Variants in SCFD2 observed in about 807,000 individuals in gnomAD.
SCFD2 encodes sec1 family domain-containing protein 2.
SCFD2 carries 54 observed loss-of-function variants against 58.9 expected under a neutral mutation model. The observed-to-expected ratio is 0.92, with a 90% CI of 0.74 to 1.15. The LOEUF is 1.15. SCFD2 is among the 50% of genes most tolerant of loss of function. SCFD2 has a pLI of 0.00. For synonymous variants in SCFD2, 321 were observed against 335.9 expected (o/e 0.96, Z 0.49); for missense variants, 805 against 836.6 (o/e 0.96, Z 0.47).
Position 53,221,412 on chromosome 4 carries a change from G to A in SCFD2, c.1311+52414C>T, listed in dbSNP as rs180706066. On this transcript the variant is annotated intron_variant, in intron 4 of 8. Transcript: ENST00000401642. Reference sequence around the variant, plus strand: ...TTAGTCCATGTGTTTTTAATTTCACGAAGATCTTGCCTTGTAATAAAAACT... The same window carrying A: ...TTAGTCCATGTGTTTTTAATTTCACAAAGATCTTGCCTTGTAATAAAAACT... 3.8e-3 allele frequency among the ~76,000 whole-genome samples: 585 copies of A among 152,194 alleles called. 2 individuals are homozygous for A. Among genetic ancestry groups the A allele is most frequent in the African/African-American group, 0.013 (552 of 41,528 alleles).
chr4:53,257,892 A>T (rs578245010), intron 4 of SCFD2, among the ~76,000 whole-genome samples: 5 of 151,934 alleles, frequency 3.3e-5, no homozygotes, highest in African/African-American at 4.8e-5. Flanking sequence ...CCTCATATTT[A>T]AAAAAAATAG....
chr4:53,287,036 C>T (rs1230226654), intron 3 of SCFD2, among the ~76,000 whole-genome samples: 3 of 152,138 alleles, frequency 2.0e-5, no homozygotes, highest in Non-Finnish European at 4.4e-5. Context: ...CACCCCTTCT[C>T]CCCTGGTGCC....
rs1733732034 is a variant in SCFD2 at position 53,337,859 on chromosome 4, A to G, written c.1007+14739T>C. Among the ~76,000 whole-genome samples the G allele has an allele frequency of 2.0e-5, 3 of 152,216 alleles. No homozygotes were observed. In the South Asian group the frequency reaches 6.2e-4, roughly 32 times the overall value. On this transcript the variant is annotated intron_variant, in intron 2 of 8. Transcript: ENST00000401642. ...TTTCTCAATTTTATAAACATTATAA[A>G]TTTTGCTTCAGTAAAAAAAATGCAT... is the stretch of plus-strand genomic sequence containing the variant.
chr4:53,366,054 C>T lies in SCFD2; in HGVS notation c.-113G>A. ...TGACAGTCTCCACAGTACACGTGGTCGGCCTCTGACACGCTCCCTGATGGC... is the reference window on the plus strand; with the variant it reads ...TGACAGTCTCCACAGTACACGTGGTTGGCCTCTGACACGCTCCCTGATGGC... On this transcript the variant is annotated 5_prime_UTR_variant, in exon 1 of 9. Coordinates refer to ENST00000401642, the MANE Select transcript of SCFD2 (RefSeq NM_152540.4). The T allele has an allele frequency of 4.8e-6, 6 of 1,246,252 alleles. No individual in the cohort carries two copies. Among genetic ancestry groups the T allele is most frequent in the Non-Finnish European group, 5.5e-6 (5 of 911,864 alleles). 77.2% of individuals were successfully genotyped at this position (1,246,252 alleles called of 1,614,324 possible).
intron 5 of SCFD2, among the ~76,000 whole-genome samples, chr4:53,132,727 G>A (rs1328359422): frequency 6.6e-6 from 1 of 152,156 alleles, no homozygotes; most frequent in Non-Finnish European, 1.5e-5. Context: ...TCAAGTGTGG[G>A]TGACATGAAA....
At chr4:53,273,657 T>G in intron 4 of SCFD2, 169 bp downstream of exon 4, 1 of 574,990 alleles carries the variant, frequency 1.7e-6, no homozygotes, top group Non-Finnish European at 2.8e-6. Context: ...TAAACAGGTG[T>G]GAAAAAAGTT....
intron 5 of SCFD2, among the ~76,000 whole-genome samples, chr4:53,127,010 A>C (rs1725648911): frequency 6.6e-6 from 1 of 152,224 alleles, no homozygotes; most frequent in Non-Finnish European, 1.5e-5. Flanking sequence ...AGAAGAGAAA[A>C]GCAATAAAGA....
intron 2 of SCFD2, among the ~76,000 whole-genome samples, chr4:53,340,479 G>A (rs1460712547): frequency 1.3e-5 from 2 of 152,176 alleles, no homozygotes; most frequent in Non-Finnish European, 2.9e-5. Flanking sequence ...GAACTGGGTG[G>A]AGCCCACCAC....
chr4:53,019,243 A>C (rs1722288790), intron 5 of SCFD2, among the ~76,000 whole-genome samples: 1 of 152,246 alleles, frequency 6.6e-6, no homozygotes. Flanking sequence ...GCTTAAATAA[A>C]AAATAGTAAA....
At position 52,879,952 on chromosome 4, in the gene SCFD2, T is replaced by C. The variant is rs577793097; in HGVS notation, c.1962+5795A>G. Among the ~76,000 whole-genome samples the C allele has an allele frequency of 2.0e-5, 3 of 152,226 alleles. No homozygotes were observed. In the South Asian group the frequency reaches 6.2e-4, roughly 31 times the overall value. On this transcript the variant is annotated intron_variant, in intron 8 of 8. Coordinates refer to ENST00000401642, the MANE Select transcript of SCFD2 (RefSeq NM_152540.4). ...GCACAGGCACCAACATGCATATTCATTCGATAGGCAGCTTTTGGAGCATAT... is the reference window on the plus strand; with the variant it reads ...GCACAGGCACCAACATGCATATTCACTCGATAGGCAGCTTTTGGAGCATAT...
chr4:53,364,978 C>T, intron 1 of SCFD2, 126 bp downstream of exon 1: 1 of 1,110,846 alleles, frequency 9.0e-7, no homozygotes, highest in Non-Finnish European at 1.3e-6. Context: ...AGACCGTGTC[C>T]ATCTAGTTCA....
intron 4 of SCFD2, among the ~76,000 whole-genome samples, chr4:53,205,219 G>A (rs1235740635): frequency 1.3e-5 from 2 of 152,094 alleles, no homozygotes; most frequent in Non-Finnish European, 2.9e-5. Flanking sequence ...AAGCAGTCCA[G>A]ACTGCACCAA....
chr4:53,173,169 A>T (rs999691309), intron 4 of SCFD2, among the ~76,000 whole-genome samples: 1 of 152,180 alleles, frequency 6.6e-6, no homozygotes, highest in Non-Finnish European at 1.5e-5. Flanking sequence ...GATGCCCCTT[A>T]ACTTGTAATA....
chr4:53,179,669 A>G (rs1416271907), intron 4 of SCFD2, among the ~76,000 whole-genome samples: 1 of 152,214 alleles, frequency 6.6e-6, no homozygotes, highest in Non-Finnish European at 1.5e-5. Flanking sequence ...TTAAATGTAA[A>G]TGGACTAAAT....
chr4:53,166,276 G>T (rs376764809), intron 4 of SCFD2, among the ~76,000 whole-genome samples: 4 of 152,248 alleles, frequency 2.6e-5, no homozygotes, highest in African/African-American at 9.6e-5. Context: ...AGATGTATCT[G>T]TATATCTTTT....
chr4:53,216,130 G>A (rs1188980592), intron 4 of SCFD2, among the ~76,000 whole-genome samples: 1 of 152,160 alleles, frequency 6.6e-6, no homozygotes, highest in Non-Finnish European at 1.5e-5. Context: ...GTCTCTGCCA[G>A]CCTTTGGTGT....
intron 5 of SCFD2, among the ~76,000 whole-genome samples, chr4:53,103,767 G>GAAAAAAAAA (rs1724898455): frequency 1.4e-4 from 1 of 7,242 alleles, no homozygotes. Context: ...AAGTAAGGAA[G>GAAAAAAAAA]TAAAAAAAAA....
At chr4:53,199,813 T>C (rs1404707136) in intron 4 of SCFD2, among the ~76,000 whole-genome samples, 1 of 152,090 alleles carries the variant, frequency 6.6e-6, no homozygotes, top group African/African-American at 2.4e-5. Context: ...TTCTCAGTTT[T>C]AGAAGCTGGA....
chr4:53,066,370 G>A (rs780045291), intron 5 of SCFD2, among the ~76,000 whole-genome samples: 3 of 152,038 alleles, frequency 2.0e-5, no homozygotes, highest in Non-Finnish European at 4.4e-5. Flanking sequence ...TTACCAAGGT[G>A]ACAAAATAAC....
Sources: gnomAD v4.1 joint callset for allele counts (sites outside exome capture counted in the v4.1 genomes callset) on GRCh38, gnomAD v4.1.1 for gene constraint, MANE v1.5 for transcripts, NCBI Gene and HGNC (gene_info 2026-07-23, HGNC 2026-07-21) for gene names.